The following ANKRD17 variants were observed in gnomAD, a reference collection of about 807,000 sequenced individuals.
ANKRD17 encodes ankyrin repeat domain-containing protein 17.
In ANKRD17, 19 loss-of-function variants were observed where a neutral mutation model predicts 229.7. The ratio of observed to expected loss-of-function variants is 0.08; its 90% CI spans 0.06 to 0.12. The LOEUF is 0.12. Among genes scored for constraint, ANKRD17 ranks in the 10% least tolerant of loss-of-function variants. ANKRD17 has a pLI of 1.00. For synonymous variants in ANKRD17, 1,112 were observed against 1,146.1 expected (o/e 0.97, Z 0.60); for missense variants, 2,176 against 3,176.8 (o/e 0.68, Z 7.57).
chr4:73,257,542 G>T (rs889483075), intron 1 of ANKRD17, among the ~76,000 whole-genome samples: 1 of 152,182 alleles, frequency 6.6e-6, no homozygotes, highest in African/African-American at 2.4e-5. Flanking sequence ...AGGCATGTAT[G>T]TATGTACGTG....
chr4:73,205,051 T>C (rs1055627854), intron 1 of ANKRD17, among the ~76,000 whole-genome samples: 17 of 152,226 alleles, frequency 1.1e-4, no homozygotes, highest in African/African-American at 3.9e-4. Context: ...GGGTGGCTCA[T>C]GCTTGTAATC....
At chr4:73,141,074 T>C (rs1207130860) in intron 14 of ANKRD17, among the ~76,000 whole-genome samples, 2 of 152,202 alleles carry the variant, frequency 1.3e-5, no homozygotes, top group African/African-American at 2.4e-5. Context: ...TGAAAATACT[T>C]AGCATTCTTG....
At chr4:73,095,853 T>G (rs970106701) in intron 27 of ANKRD17, among the ~76,000 whole-genome samples, 1 of 152,004 alleles carries the variant, frequency 6.6e-6, no homozygotes, top group African/African-American at 2.4e-5. Flanking sequence ...CCCAGCTAAT[T>G]TTTTAATTTT....
chr4:73,237,174 G>A (rs1272928756), intron 1 of ANKRD17, among the ~76,000 whole-genome samples: 2 of 152,110 alleles, frequency 1.3e-5, no homozygotes, highest in African/African-American at 4.8e-5. Flanking sequence ...TAAGATATAT[G>A]AATCTTAACA....
At position 73,155,744 on chromosome 4, in the gene ANKRD17, C is replaced by T; in HGVS notation, c.887G>A (p.Arg296Lys). The part of the protein sequence containing the change: ...LLAMHANVED[R>K]GIKGDITPLM... ...AGGTGTAATGTCACCTTTGATTCCCCTATCTTCCACATTTGCATGCATTGC... is the reference window on the plus strand; with the variant it reads ...AGGTGTAATGTCACCTTTGATTCCCTTATCTTCCACATTTGCATGCATTGC... The change falls in exon 5 of 34, where the codon AGG (arginine) becomes AAG (lysine). Residue 296 changes from arginine to lysine, a missense_variant. Physicochemically the swap from Arg to Lys is conservative, Grantham distance 26. Around this residue, in one of 18 missense-constraint regions of ANKRD17, gnomAD observed 184 missense variants for 357.8 expected, o/e 0.51. Transcript: ENST00000358602. 1 of 1,614,116 alleles carries T rather than the reference C, an allele frequency of 6.2e-7. No homozygotes were observed. The highest frequency in any genetic ancestry group is 8.5e-7 in the Non-Finnish European group (1 of 1,180,000).
chr4:73,196,972 GTGTATA>G (rs573414290), intron 1 of ANKRD17, among the ~76,000 whole-genome samples: 67 of 152,246 alleles, frequency 4.4e-4, no homozygotes, highest in African/African-American at 1.4e-3. Context: ...GTGTATGTGT[GTGTATA>G]TGTATATGTA....
Position 73,125,068 on chromosome 4 carries a change from A to G in ANKRD17, c.3347-10T>C. On this transcript the variant is annotated splice_polypyrimidine_tract_variant and intron_variant, in intron 17 of 33. Coordinates refer to ENST00000358602, the MANE Select transcript of ANKRD17 (RefSeq NM_032217.5). ...ATGAGTGGAGTAAAACCTGGAGAAA[A>G]ATAATGATCTTCTCACTACATGCTA... 1 of 1,614,022 alleles carries G rather than the reference A, an allele frequency of 6.2e-7. No individual in the cohort carries two copies. Among genetic ancestry groups the G allele is most frequent in the Non-Finnish European group, 8.5e-7 (1 of 1,179,932 alleles).
intron 25 of ANKRD17, chr4:73,100,821 AAAAAC>A (rs768565705): frequency 5.1e-5 from 50 of 983,180 alleles, no homozygotes; most frequent in Admixed American, 1.8e-4. Context: ...AAGGGAAATT[AAAAAC>A]AAAACAAAAC....
chr4:73,221,422 C>T (rs1030483218), intron 1 of ANKRD17, among the ~76,000 whole-genome samples: 2 of 151,892 alleles, frequency 1.3e-5, no homozygotes, highest in African/African-American at 4.8e-5. Context: ...ATAAATAAGA[C>T]TTCTAAAATC....
At chr4:73,123,932 G>T (rs1727094088) in intron 18 of ANKRD17, among the ~76,000 whole-genome samples, 2 of 151,790 alleles carry the variant, frequency 1.3e-5, no homozygotes, top group Non-Finnish European at 2.9e-5. Flanking sequence ...CAGTCACGAT[G>T]ATGAAGGGAT....
chr4:73,089,628 G>A (rs929138319), intron 29 of ANKRD17, among the ~76,000 whole-genome samples: 1 of 152,038 alleles, frequency 6.6e-6, no homozygotes, highest in African/African-American at 2.4e-5. Context: ...AATGTATCAT[G>A]GTTATGTAAG....
intron 15 of ANKRD17, among the ~76,000 whole-genome samples, chr4:73,137,396 G>A (rs1382284085): frequency 1.3e-5 from 2 of 152,088 alleles, no homozygotes; most frequent in Non-Finnish European, 2.9e-5. Context: ...CAAATTTTAT[G>A]GTAGAAGTCT....
Position 73,177,660 on chromosome 4 carries a change from A to T in ANKRD17, c.394-127T>A. Reference sequence around the variant, plus strand: ...TAACATAATTAACAATGGTAAACACAGTGCAACCCTAAAAAGTTCAACATG... The same window carrying T: ...TAACATAATTAACAATGGTAAACACTGTGCAACCCTAAAAAGTTCAACATG... On this transcript the variant is annotated intron_variant, in intron 1 of 33. Transcript: ENST00000358602. The T allele has an allele frequency of 4.6e-6, 3 of 655,080 alleles. No individual in the cohort carries two copies. The Admixed American group carries it at 9.0e-5, about 20-fold the overall frequency. 40.6% of individuals were successfully genotyped at this position (655,080 alleles called of 1,614,324 possible).
At chr4:73,197,516 A>C (rs1738049036) in intron 1 of ANKRD17, among the ~76,000 whole-genome samples, 1 of 152,172 alleles carries the variant, frequency 6.6e-6, no homozygotes, top group Non-Finnish European at 1.5e-5. Flanking sequence ...TTCACTTTTA[A>C]AAGAAGAGAA....
At chr4:73,094,352 T>G in intron 27 of ANKRD17, 124 bp from the exon 28 acceptor site, 1 of 868,596 alleles carries the variant, frequency 1.2e-6, no homozygotes, top group South Asian at 2.0e-5. Flanking sequence ...TGAATAAGCC[T>G]CTTCTATTTA....
chr4:73,202,868 GCAAA>G (rs1738863343), intron 1 of ANKRD17, among the ~76,000 whole-genome samples: 1 of 152,166 alleles, frequency 6.6e-6, no homozygotes, highest in African/African-American at 2.4e-5. Flanking sequence ...TGTAGAATTA[GCAAA>G]CAATAACTTT....
rs1367782921 is a variant in ANKRD17, at chr4:73,094,152, G to A, written c.5254C>T (p.Arg1752Trp). The A allele has an allele frequency of 1.2e-6, 2 of 1,613,282 alleles. No individual in the cohort carries two copies. The highest frequency in any genetic ancestry group is 1.3e-5 in the African/African-American group (1 of 74,876). The part of the protein sequence containing the change: ...GRGGCNINAI[R>W]EFTGAHIDID... ...TCTATGTGTGCACCAGTAAACTCCC[G>A]AATAGCATTGATATTACAGCCTCCT... Residue 1752 changes from arginine (R) to tryptophan (W), a missense_variant, in exon 28 of 34, where the codon CGG becomes TGG. By Grantham distance (101) the Arg-to-Trp change is moderately radical. This residue lies in a region of ANKRD17 where 27 missense variants were observed against 89.2 expected (regional missense o/e 0.30). Coordinates refer to ENST00000358602, the MANE Select transcript of ANKRD17 (RefSeq NM_032217.5).
intron 7 of ANKRD17, 42 bp from the exon 8 acceptor site, chr4:73,149,092 A>C (rs1534450): frequency 0.42 from 645,758 of 1,542,134 alleles, 138,549 homozygotes; most frequent in Admixed American, 0.53. Context: ...AGCACCATTA[A>C]AAAAATCTTG....
chr4:73,247,419 T>A (rs1744597347), intron 1 of ANKRD17, among the ~76,000 whole-genome samples: 1 of 152,094 alleles, frequency 6.6e-6, no homozygotes, highest in Non-Finnish European at 1.5e-5. Flanking sequence ...TGTACAAGGA[T>A]GTTCACTTCA....
Sources: gnomAD v4.1 joint callset for allele counts (sites outside exome capture counted in the v4.1 genomes callset) on GRCh38, gnomAD v4.1.1 for gene constraint, gnomAD v4.1.1 regional missense constraint, MANE v1.5 for transcripts, NCBI Gene and HGNC (gene_info 2026-07-23, HGNC 2026-07-21) for gene names.